Variants in ZNF280D observed in about 807,000 individuals in gnomAD.
ZNF280D encodes the protein zinc finger protein 280D.
In ZNF280D, 39 loss-of-function variants were observed where a neutral mutation model predicts 94.7. The ratio of observed to expected loss-of-function variants is 0.41; its 90% confidence interval spans 0.32 to 0.54. The LOEUF (loss-of-function observed/expected upper bound fraction) is 0.54. ZNF280D is among the 20% of genes least tolerant of loss of function. The pLI, the probability that ZNF280D is intolerant of heterozygous loss-of-function variation, is 0.22. For synonymous variants in ZNF280D, 398 were observed against 377.6 expected (o/e 1.05, Z -0.63); for missense variants, 1,090 against 1,149.3 (o/e 0.95, Z 0.75).
chr15:56,667,457 A>G (rs1566955764), intron 14 of ZNF280D, among the ~76,000 whole-genome samples: 1 of 152,198 alleles, frequency 6.6e-6, no homozygotes, highest in Non-Finnish European at 1.5e-5. Context: ...CCCAAGATTT[A>G]TGCTTACAAA....
At position 56,701,055 on chromosome 15, in the gene ZNF280D, T is replaced by C. The variant is rs1282334659; in HGVS notation, c.259A>G (p.Lys87Glu). 5 of 1,613,702 alleles carry C rather than the reference T, an allele frequency of 3.1e-6. No individual in the cohort carries two copies. The African/African-American group carries it at 6.7e-5, about 22-fold the overall frequency. Residue 87 changes from lysine (K) to glutamate (E), a missense_variant, in exon 6 of 22, where the codon AAG becomes GAG. Physicochemically the swap from Lys to Glu is moderately conservative, Grantham distance 56 (BLOSUM62 1). Transcript: ENST00000267807. ...TTCGTGTAGTGTTGACTTGTAGGCT[T>C]GAATGCAGCAGTAATACCTGTATTT... is the stretch of plus-strand genomic sequence containing the variant. Reference protein sequence around the residue: ...ALSRGITAAFKPTSQHYTNPT... With the variant: ...ALSRGITAAFEPTSQHYTNPT...
chr15:56,632,003 G>T lies in ZNF280D; in HGVS notation c.2435C>A (p.Thr812Asn). Residue 812 changes from threonine (T) to asparagine (N), a missense_variant, in exon 22 of 22, where the codon ACC becomes AAC. Thr to Asn is a moderately conservative substitution (Grantham distance 65). Transcript: ENST00000267807. ...GCCAGTTTCCTGGTCTGCAAGACAGGTTTCATTTTCCTTATCTGAAACTGT... is the reference window on the plus strand; with the variant it reads ...GCCAGTTTCCTGGTCTGCAAGACAGTTTTCATTTTCCTTATCTGAAACTGT... Reference protein sequence around the residue: ...SITVSDKENETCLADQETGSK... With the variant: ...SITVSDKENENCLADQETGSK... 3 of 1,613,928 alleles carry T rather than the reference G, an allele frequency of 1.9e-6. No individual in the cohort carries two copies. In the South Asian group the frequency reaches 3.3e-5, roughly 18 times the overall value.
intron 1 of ZNF280D, chr15:56,729,689 A>C (rs542921775): frequency 6.6e-6 from 1 of 152,236 alleles, no homozygotes; most frequent in African/African-American, 2.4e-5. Context: ...GAAGTTACCA[A>C]GAAGAAATTC....
chr15:56,707,043 G>A, intron 3 of ZNF280D, 39 bp downstream of exon 3: 1 of 1,597,026 alleles, frequency 6.3e-7, no homozygotes, highest in Non-Finnish European at 8.6e-7. Flanking sequence ...TGATACAAAA[G>A]CCACATATAT....
intron 1 of ZNF280D, among the ~76,000 whole-genome samples, chr15:56,713,330 T>C (rs1384678445): frequency 6.6e-6 from 1 of 152,162 alleles, no homozygotes; most frequent in Non-Finnish European, 1.5e-5. Flanking sequence ...CAAGATAATG[T>C]TCTATCTATA....
At chr15:56,692,653 T>C (rs1216482855) in intron 7 of ZNF280D, among the ~76,000 whole-genome samples, 1 of 152,122 alleles carries the variant, frequency 6.6e-6, no homozygotes, top group Middle Eastern at 3.2e-3. Flanking sequence ...AATAGCACTT[T>C]ATAATCATAT....
Position 56,666,909 on chromosome 15 carries a change from G to T in ZNF280D, c.1623C>A (p.Thr541=). 4.3e-6 allele frequency: 7 copies of T among 1,613,626 alleles called. No individual in the cohort carries two copies. Among genetic ancestry groups the T allele is most frequent in the Non-Finnish European group, 5.9e-6 (7 of 1,179,774 alleles). The change falls in exon 15 of 22, where the codon ACC becomes ACA. Residue 541 remains threonine, a synonymous_variant. Coordinates refer to ENST00000267807, the MANE Select transcript of ZNF280D (RefSeq NM_017661.4). ...TAGTCCTTGGAGGTGAGAGCTGAAG[G>T]GTAGAAGCACTTGCACTAATGGAAG... ...PTPSISASAS[T]LQLSPPRTKN...
intron 19 of ZNF280D, among the ~76,000 whole-genome samples, chr15:56,645,937 G>T (rs192496041): frequency 1.6e-3 from 250 of 152,188 alleles, no homozygotes; most frequent in Admixed American, 2.7e-3. Context: ...TGGGGTGAGG[G>T]GAAGAACTAT....
chr15:56,680,255 C>T (rs1387842804), intron 10 of ZNF280D, among the ~76,000 whole-genome samples: 4 of 152,066 alleles, frequency 2.6e-5, no homozygotes, highest in African/African-American at 9.7e-5. Context: ...TATCAAGTTG[C>T]CTTCCCAGTT....
chr15:56,651,544 TA>T, intron 19 of ZNF280D, among the ~76,000 whole-genome samples: 1 of 152,060 alleles, frequency 6.6e-6, no homozygotes, highest in East Asian at 1.9e-4. Flanking sequence ...TGATACATAC[TA>T]TAAAAAAAAA....
intron 1 of ZNF280D, among the ~76,000 whole-genome samples, chr15:56,716,602 A>G (rs1451364988): frequency 1.3e-5 from 2 of 152,110 alleles, no homozygotes; most frequent in Admixed American, 1.3e-4. Context: ...CTGTGTTAAG[A>G]AATTCTGTCC....
chr15:56,667,495 T>C (rs1275614649), intron 14 of ZNF280D, among the ~76,000 whole-genome samples: 1 of 152,206 alleles, frequency 6.6e-6, no homozygotes, highest in African/African-American at 2.4e-5. Context: ...CATCAATTTA[T>C]TATACTGCAT....
At chr15:56,632,636 T>C (rs1316203476) in intron 21 of ZNF280D, among the ~76,000 whole-genome samples, 3 of 151,304 alleles carry the variant, frequency 2.0e-5, no homozygotes, top group African/African-American at 4.9e-5. Context: ...GCTAGGAATA[T>C]AGGTGCACAC....
intron 6 of ZNF280D, among the ~76,000 whole-genome samples, chr15:56,693,626 A>T (rs1297024291): frequency 6.6e-6 from 1 of 152,092 alleles, no homozygotes; most frequent in Non-Finnish European, 1.5e-5. Context: ...AGGACAAAAA[A>T]TAGAACTTAG....
intron 10 of ZNF280D, 123 bp downstream of exon 10, chr15:56,682,131 T>C: frequency 1.5e-6 from 1 of 661,372 alleles, no homozygotes; most frequent in Non-Finnish European, 2.5e-6. Context: ...TCCGCCTTTA[T>C]TCTCAGTAGA....
chr15:56,671,029 T>C (rs1259958319), intron 13 of ZNF280D, among the ~76,000 whole-genome samples: 1 of 152,076 alleles, frequency 6.6e-6, no homozygotes, highest in Non-Finnish European at 1.5e-5. Flanking sequence ...GGGGTTGGTT[T>C]CTTTCTTGTA....
At chr15:56,718,061 G>C (rs1008379222) in intron 1 of ZNF280D, among the ~76,000 whole-genome samples, 6 of 151,736 alleles carry the variant, frequency 4.0e-5, no homozygotes, top group Non-Finnish European at 7.4e-5. Context: ...TTCTAGTGGA[G>C]GTATGTAAAT....
chr15:56,646,947 T>C (rs1457642995), intron 19 of ZNF280D, among the ~76,000 whole-genome samples: 1 of 152,010 alleles, frequency 6.6e-6, no homozygotes, highest in Non-Finnish European at 1.5e-5. Context: ...CAAAGAAGTA[T>C]GAAACAAGAT....
chr15:56,724,298 T>C (rs1275242566), intron 1 of ZNF280D, among the ~76,000 whole-genome samples: 3 of 152,212 alleles, frequency 2.0e-5, no homozygotes, highest in African/African-American at 7.2e-5. Flanking sequence ...AATGCTTTCA[T>C]TCTGTCATTT....
Sources: gnomAD v4.1 joint callset for allele counts (sites outside exome capture counted in the v4.1 genomes callset) on GRCh38, gnomAD v4.1.1 for gene constraint, MANE v1.5 for transcripts, NCBI Gene and HGNC (gene_info 2026-07-23, HGNC 2026-07-21) for gene names.